The following ANK3 variants were observed in gnomAD, a reference collection of about 807,000 sequenced individuals.
ANK3 encodes the protein ankyrin-3.
ANK3 carries 57 observed loss-of-function variants against 370.9 expected under a neutral mutation model. That is an observed-to-expected ratio of 0.15 (90% CI 0.12 to 0.19). The LOEUF (loss-of-function observed/expected upper bound fraction) is 0.19, where lower values mean the gene tolerates loss of function less well. Ranked by LOEUF, ANK3 falls within the 10% of genes least tolerant of loss-of-function variation. ANK3 has a pLI of 1.00. For synonymous variants in ANK3, 1,929 were observed against 1,946.3 expected (o/e 0.99, Z 0.23); for missense variants, 4,439 against 5,302.1 (o/e 0.84, Z 5.06).
chr10:60,216,177 G>A (rs2096933861), intron 8 of ANK3, among the ~76,000 whole-genome samples: 1 of 151,998 alleles, frequency 6.6e-6, no homozygotes, highest in African/African-American at 2.4e-5. Context: ...CTGAGATGGT[G>A]GAGTTTTTTA....
intron 23 of ANK3, among the ~76,000 whole-genome samples, chr10:60,156,152 G>C (rs1382984834): frequency 1.3e-5 from 2 of 152,204 alleles, no homozygotes; most frequent in Non-Finnish European, 2.9e-5. Context: ...GTGTGCCTGT[G>C]TCACTCATCC....
At chr10:60,441,763 C>A (rs1453212919) in intron 2 of ANK3, among the ~76,000 whole-genome samples, 1 of 152,138 alleles carries the variant, frequency 6.6e-6, no homozygotes, top group African/African-American at 2.4e-5. Flanking sequence ...GCACCAGACA[C>A]CTAGATTTTT....
Position 60,165,478 on chromosome 10 carries a change from A to C in ANK3, c.2614+1113T>G, listed in dbSNP as rs74687462. ...ACAGCATTTACAAACATTCAGCCAG[A>C]TCCTCCGAGGTCCCTAAATGACCAG... is the stretch of plus-strand genomic sequence containing the variant. On this transcript the variant is annotated intron_variant, in intron 23 of 43. Transcript: ENST00000280772. Among the ~76,000 whole-genome samples the C allele has an allele frequency of 9.5e-3, 1,451 of 152,310 alleles. 20 individuals carry two copies. The highest frequency in any genetic ancestry group is 0.032 in the African/African-American group (1,350 of 41,558).
intron 2 of ANK3, among the ~76,000 whole-genome samples, chr10:60,426,928 G>A (rs1010052209): frequency 4.6e-5 from 7 of 152,098 alleles, no homozygotes; most frequent in African/African-American, 1.2e-4. Context: ...CTGATTTCCA[G>A]TGAGACTCAA....
chr10:60,410,911 C>G (rs1391922558), intron 2 of ANK3, among the ~76,000 whole-genome samples: 1 of 152,018 alleles, frequency 6.6e-6, no homozygotes, highest in African/African-American at 2.4e-5. Flanking sequence ...CGGCCTCAGG[C>G]AATCCTCCTG....
intron 1 of ANK3, among the ~76,000 whole-genome samples, chr10:60,672,042 A>C (rs770233452): frequency 7.2e-5 from 11 of 152,236 alleles, no homozygotes; most frequent in Non-Finnish European, 1.3e-4. Context: ...TGTGTGATAT[A>C]ATAAATACTT....
chr10:60,436,977 T>C (rs1328742687), intron 2 of ANK3, among the ~76,000 whole-genome samples: 1 of 152,246 alleles, frequency 6.6e-6, no homozygotes, highest in Non-Finnish European at 1.5e-5. Flanking sequence ...TCATCTAGTC[T>C]GTTGTAGACT....
chr10:60,601,712 T>C (rs1171513937), intron 2 of ANK3, among the ~76,000 whole-genome samples: 1 of 152,132 alleles, frequency 6.6e-6, no homozygotes, highest in East Asian at 1.9e-4. Flanking sequence ...GGAGTTTAGT[T>C]AATAAAATAT....
At chr10:60,456,087 C>T (rs1377435533) in intron 2 of ANK3, among the ~76,000 whole-genome samples, 2 of 152,180 alleles carry the variant, frequency 1.3e-5, no homozygotes, top group Non-Finnish European at 2.9e-5. Context: ...ATTTGGAGGT[C>T]CACCTATATT....
intron 1 of ANK3, among the ~76,000 whole-genome samples, chr10:60,677,706 G>A (rs72811834): frequency 6.7e-6 from 1 of 149,530 alleles, no homozygotes; most frequent in Non-Finnish European, 1.5e-5. Context: ...TTGATCTCCA[G>A]AGACTCTCAA....
At chr10:60,165,862 T>G (rs2095611663) in intron 23 of ANK3, among the ~76,000 whole-genome samples, 1 of 152,168 alleles carries the variant, frequency 6.6e-6, no homozygotes, top group Admixed American at 6.5e-5. Context: ...ATGGTAAATA[T>G]TTTGTTATTA....
At chr10:60,311,392 CACTAAAT>C (rs1345280295) in intron 1 of ANK3, among the ~76,000 whole-genome samples, 3 of 148,814 alleles carry the variant, frequency 2.0e-5, no homozygotes, top group African/African-American at 5.0e-5. Context: ...TACTTTGCTA[CACTAAAT>C]ACTAAATGAT....
intron 1 of ANK3, among the ~76,000 whole-genome samples, chr10:60,710,492 C>T (rs2079689309): frequency 6.6e-6 from 1 of 152,116 alleles, no homozygotes; most frequent in Admixed American, 6.6e-5. Flanking sequence ...AGACCAGCAT[C>T]CACATATATT....
chr10:60,677,540 T>C lies in ANK3; in HGVS notation c.57+55723A>G, dbSNP rs189569594. Among the ~76,000 whole-genome samples, 42 of 152,234 alleles carry C rather than the reference T, an allele frequency of 2.8e-4. No homozygotes were observed. The East Asian group carries it at 7.7e-3, about 28-fold the overall frequency. On this transcript the variant is annotated intron_variant, in intron 1 of 43. Transcript: ENST00000373827. The stretch of plus-strand genomic sequence containing the variant: ...ATGTCATTTAGTTTTCCTACTCTAA[T>C]AAGCAGTTTACAAGGTTGCAACCTT...
chr10:60,212,540 T>C (rs2096873261), intron 9 of ANK3, among the ~76,000 whole-genome samples: 2 of 152,188 alleles, frequency 1.3e-5, no homozygotes, highest in African/African-American at 4.8e-5. Flanking sequence ...ACATCATGGC[T>C]GTTTAATTCT....
rs983714946 is a variant in ANK3 at position 60,665,437 on chromosome 10, T to G, written c.58-50213A>C. 2.6e-5 allele frequency among the ~76,000 whole-genome samples: 4 copies of G among 152,156 alleles called. No individual in the cohort carries two copies. In the South Asian group the frequency reaches 6.2e-4, roughly 24 times the overall value. ...TCTTCTTTGTGTCCTCAACAACAAA[T>G]GTGTTGTCTGGCATGTAGCAGATGC... is the stretch of plus-strand genomic sequence containing the variant. On this transcript the variant is annotated intron_variant, in intron 1 of 43. Coordinates refer to the ANK3 transcript ENST00000373827.
At chr10:60,671,797 T>C (rs1367708269) in intron 1 of ANK3, among the ~76,000 whole-genome samples, 1 of 152,232 alleles carries the variant, frequency 6.6e-6, no homozygotes, top group African/African-American at 2.4e-5. Context: ...AGCAGCCCAA[T>C]GGAGAATTCC....
chr10:60,038,990 C>G (rs1180535136), intron 43 of ANK3, among the ~76,000 whole-genome samples: 1 of 152,202 alleles, frequency 6.6e-6, no homozygotes, highest in Non-Finnish European at 1.5e-5. Flanking sequence ...GCCCCAAAGT[C>G]TAAGTACATT....
At chr10:60,526,807 T>G (rs1321454845) in intron 2 of ANK3, among the ~76,000 whole-genome samples, 13 of 152,146 alleles carry the variant, frequency 8.5e-5, no homozygotes, top group Non-Finnish European at 1.8e-4. Flanking sequence ...CAGTTTATTG[T>G]TTTTGCCCCT....
Sources: allele counts gnomAD v4.1 joint callset (sites outside exome capture counted in the v4.1 genomes callset), GRCh38; gene constraint gnomAD v4.1.1; transcripts MANE v1.5; gene names NCBI Gene and HGNC (gene_info 2026-07-23, HGNC 2026-07-21).